SERPINA1: variants seen among roughly 807,000 people sequenced by gnomAD.
SERPINA1 encodes the protein alpha-1-antitrypsin.
Under a neutral mutation model 25.4 loss-of-function variants are expected in SERPINA1, and 21 were observed. That is an observed-to-expected ratio of 0.83 (90% confidence interval 0.59 to 1.19). The LOEUF (loss-of-function observed/expected upper bound fraction) is 1.19. Ranked by LOEUF, SERPINA1 falls within the 50% of genes most tolerant of loss-of-function variation. SERPINA1 has a pLI of 0.00. For missense variants in SERPINA1, 546 were observed against 509.0 expected (o/e 1.07, Z -0.70); for synonymous variants, 218 against 211.1 (o/e 1.03, Z -0.29).
chr14:94,390,218 C>T (rs557074695), upstream of SERPINA1, among the ~76,000 whole-genome samples: 13 of 152,322 alleles, frequency 8.5e-5, no homozygotes, highest in African/African-American at 2.4e-4. Context: ...GCAGCTCCAT[C>T]CCCTGGCTTC....
chr14:94,381,473 G>A (rs1340044377), intron 2 of SERPINA1, among the ~76,000 whole-genome samples: 1 of 152,210 alleles, frequency 6.6e-6, no homozygotes, highest in Admixed American at 6.5e-5. Context: ...CAAATAAAAT[G>A]TTGGAGCATC....
At chr14:94,382,502 G>T in intron 2 of SERPINA1, 90 bp downstream of exon 2, 1 of 1,475,536 alleles carries the variant, frequency 6.8e-7, no homozygotes, top group Non-Finnish European at 9.5e-7. Context: ...GGCCCATAAT[G>T]CATTGCCAAG....
chr14:94,384,458 G>A (rs1299436697), intron 1 of SERPINA1, among the ~76,000 whole-genome samples: 2 of 152,132 alleles, frequency 1.3e-5, no homozygotes, highest in Non-Finnish European at 2.9e-5. Context: ...AGACAATAGG[G>A]AGTGGTGGGG....
At chr14:94,387,863 G>A (rs146605015) in intron 1 of SERPINA1, among the ~76,000 whole-genome samples, 24 of 152,234 alleles carry the variant, frequency 1.6e-4, no homozygotes, top group Non-Finnish European at 3.4e-4. Flanking sequence ...GAGCTTAGCC[G>A]TGGCCTGGTG....
rs117715484 is a variant in SERPINA1, at chr14:94,381,376, T to A, written c.647-235A>T. 1.9e-3 allele frequency among the ~76,000 whole-genome samples: 285 copies of A among 152,292 alleles called. 1 individual carries two copies. The highest frequency in any genetic ancestry group is 2.9e-3 in the Non-Finnish European group (198 of 68,020). On this transcript the variant is annotated intron_variant, in intron 2 of 4. Transcript: ENST00000393087. ...TAGAGGAAGATGCAGAATTTCTACA[T>A]CGTGGCGATGTCAGGCTAAGAGATG...
rs757724054 is a variant in SERPINA1 at position 94,382,575 on chromosome 14, TG to T, written c.646+16del. On this transcript the variant is annotated intron_variant, in intron 2 of 4. Transcript: ENST00000393087. ...TTGTTTCTATGGGAACAGCTCAGGC[TG>T]GTTGAGCAACCTTACCTTTAAAGAA... The T allele has an allele frequency of 5.0e-6, 8 of 1,614,132 alleles. No homozygotes were observed. The highest frequency in any genetic ancestry group is 1.3e-5 in the African/African-American group (1 of 74,952).
At chr14:94,378,740 G>T (rs533194427) in intron 4 of SERPINA1, 100 bp from the exon 5 acceptor site, 87 of 1,280,350 alleles carry the variant, frequency 6.8e-5, no homozygotes, top group Non-Finnish European at 6.2e-5. Flanking sequence ...CCCCCTGGAC[G>T]GCCCTGGCCC....
intron 3 of SERPINA1, chr14:94,380,605 C>G (rs1896828525): frequency 1.5e-5 from 8 of 537,016 alleles, no homozygotes; most frequent in Middle Eastern, 5.0e-4. Context: ...TGGGAAGGGA[C>G]AGTGTCCACA....
chr14:94,379,753 G>C (rs149753439), intron 3 of SERPINA1, 142 bp from the exon 4 acceptor site: 1 of 1,158,478 alleles, frequency 8.6e-7, no homozygotes, highest in South Asian at 1.3e-5. Context: ...ATGGGAACTC[G>C]GCTTTGGTTT....
rs770030839 is a variant in SERPINA1 at position 94,379,480 on chromosome 14, G to A, written c.1049C>T (p.Pro350Leu). 14 of 1,614,068 alleles carry A rather than the reference G, an allele frequency of 8.7e-6. No homozygotes were observed. Among genetic ancestry groups the A allele is most frequent in the Non-Finnish European group, 1.2e-5 (14 of 1,180,056 alleles). The change falls in exon 4 of 5, where the codon CCC becomes CTC. Residue 350 changes from proline to leucine, a missense_variant. Transcript: ENST00000393087. ...ADLSGVTEEA[P>L]LKLSKAVHKA... ...TGATCTCACCTTGGAGAGCTTCAGG[G>A]GTGCCTCCTCTGTGACCCCGGAGAG...
chr14:94,380,661 CT>C (rs1896833950), intron 3 of SERPINA1: 5 of 645,698 alleles, frequency 7.7e-6, no homozygotes, highest in Non-Finnish European at 1.1e-5. Context: ...CTCCTCACCC[CT>C]GGGTACTGTC....
rs1249985669 is a variant in SERPINA1 at position 94,377,639 on chromosome 14, G to T, written c.*810C>A. 1 of 152,410 alleles carries T rather than the reference G, an allele frequency of 6.6e-6. No homozygotes were observed. Among genetic ancestry groups the T allele is most frequent in the Non-Finnish European group, 1.5e-5 (1 of 68,196 alleles). 9.4% of individuals were successfully genotyped at this position (152,410 alleles called of 1,614,324 possible). ...GGGTAATGGTCTTCTGGGGCCTGCTGGGCCTGGTCAAGTCTGAGGAGGAGA... is the reference window on the plus strand; with the variant it reads ...GGGTAATGGTCTTCTGGGGCCTGCTTGGCCTGGTCAAGTCTGAGGAGGAGA... On this transcript the variant is annotated 3_prime_UTR_variant, in exon 5 of 5. Transcript: ENST00000393087.
chr14:94,385,394 T>A (rs1897225332), intron 1 of SERPINA1, among the ~76,000 whole-genome samples: 1 of 152,256 alleles, frequency 6.6e-6, no homozygotes. Context: ...AGTGGCGTGA[T>A]CTCGGCTCAC....
Position 94,378,547 on chromosome 14 carries a change from C to G in SERPINA1, c.1159G>C (p.Glu387Gln). 2 of 1,613,770 alleles carry G rather than the reference C, an allele frequency of 1.2e-6. No homozygotes were observed. The highest frequency in any genetic ancestry group is 1.6e-4 in the Middle Eastern group (1 of 6,062). ...ACAAAGGGTTTGTTGAACTTGACCT[C>G]GGGGGGGATAGACATGGGTATGGCC... ...LEAIPMSIPP[E>Q]VKFNKPFVFL... The change falls in exon 5 of 5, where the codon GAG becomes CAG. Residue 387 changes from glutamate to glutamine, a missense_variant. Glu to Gln is a conservative substitution (Grantham distance 29). Coordinates refer to ENST00000393087, the MANE Select transcript of SERPINA1 (RefSeq NM_000295.5).
chr14:94,381,338 G>T (rs887631969), intron 2 of SERPINA1, among the ~76,000 whole-genome samples, 197 bp from the exon 3 acceptor site: 5 of 152,170 alleles, frequency 3.3e-5, no homozygotes, highest in Non-Finnish European at 5.9e-5. Context: ...ATTGTGTGGG[G>T]ATAATTCAAA....
chr14:94,379,273 A>T (rs1349816865), intron 4 of SERPINA1, 191 bp downstream of exon 4: 1 of 791,588 alleles, frequency 1.3e-6, no homozygotes, highest in Non-Finnish European at 2.1e-6. Flanking sequence ...CCAGCTGCAC[A>T]GCAGTCCCCT....
Position 94,382,907 on chromosome 14 carries a change from T to C in SERPINA1, c.331A>G (p.Ile111Val). 6.2e-7 allele frequency: 1 copy of C among 1,613,254 alleles called. No individual in the cohort carries two copies. Among genetic ancestry groups the C allele is most frequent in the Non-Finnish European group, 8.5e-7 (1 of 1,179,284 alleles). Reference sequence around the variant, plus strand: ...CCTTCATGGATCTGAGCCTCCGGAATCTCCGTGAGGTTGAAATTCAGGCCC... The same window carrying C: ...CCTTCATGGATCTGAGCCTCCGGAACCTCCGTGAGGTTGAAATTCAGGCCC... ...LEGLNFNLTE[I>V]PEAQIHEGFQ... Residue 111 changes from isoleucine (I) to valine (V), a missense_variant, in exon 2 of 5, where the codon ATT becomes GTT. By Grantham distance (29) the Ile-to-Val change is conservative (BLOSUM62 3). Coordinates refer to ENST00000393087, the MANE Select transcript of SERPINA1 (RefSeq NM_000295.5).
At chr14:94,379,665 T>G (rs879539308) in intron 3 of SERPINA1, 54 bp from the exon 4 acceptor site, 17 of 1,612,550 alleles carry the variant, frequency 1.1e-5, no homozygotes, top group Admixed American at 1.7e-5. Flanking sequence ...CTTGTTCTTC[T>G]GGGACCCACC....
intron 1 of SERPINA1, 166 bp from the exon 2 acceptor site, chr14:94,383,407 G>T: frequency 1.5e-6 from 1 of 684,060 alleles, no homozygotes; most frequent in Non-Finnish European, 2.5e-6. Context: ...ATAGCAAAAT[G>T]TACGTAGTGC....
Sources: allele counts gnomAD v4.1 joint callset (sites outside exome capture counted in the v4.1 genomes callset), GRCh38; gene constraint gnomAD v4.1.1; transcripts MANE v1.5; gene names NCBI Gene and HGNC (gene_info 2026-07-23, HGNC 2026-07-21).